HYCC1: variants seen among roughly 807,000 people sequenced by gnomAD.
HYCC1 encodes the protein hyccin PI4KA lipid kinase complex subunit 1, also known as hyccin.
chr7:22,951,962 T>C, the HYCC1 span, among the ~76,000 whole-genome samples: 1 of 152,056 alleles, frequency 6.6e-6, no homozygotes, highest in African/African-American at 2.4e-5. Context: ...TTTACTATCA[T>C]GTTGTTATAC....
chr7:22,897,533 G>A, the HYCC1 span, among the ~76,000 whole-genome samples: 25 of 152,284 alleles, frequency 1.6e-4, no homozygotes, highest in Admixed American at 9.8e-4. Flanking sequence ...ACAATTGCAC[G>A]GCACTGTTGT....
At chr7:22,983,875 T>C in the HYCC1 span, 7 of 924,466 alleles carry the variant, frequency 7.6e-6, no homozygotes, top group Admixed American at 8.7e-5. Flanking sequence ...TTTATATCTA[T>C]TTCACAATAA....
the HYCC1 span, among the ~76,000 whole-genome samples, chr7:23,013,517 G>C: frequency 6.6e-6 from 1 of 152,200 alleles, no homozygotes; most frequent in Non-Finnish European, 1.5e-5. Flanking sequence ...GGGGACGGGG[G>C]GCTCCCGCCC....
At chr7:22,930,145 G>C in the HYCC1 span, among the ~76,000 whole-genome samples, 8 of 130,242 alleles carry the variant, frequency 6.1e-5, no homozygotes, top group Non-Finnish European at 1.1e-4. Flanking sequence ...TGAACAAAGA[G>C]AACACATGGA....
the HYCC1 span, chr7:22,976,633 G>T: frequency 2.0e-6 from 2 of 1,005,066 alleles, no homozygotes; most frequent in Non-Finnish European, 3.2e-6. Context: ...TAAGTCTACT[G>T]AAATAATTTT....
the HYCC1 span, among the ~76,000 whole-genome samples, chr7:22,980,355 T>C: frequency 6.6e-6 from 1 of 152,060 alleles, no homozygotes; most frequent in Non-Finnish European, 1.5e-5. Flanking sequence ...ACCTCAAGTA[T>C]ATTTATATGT....
chr7:22,903,357 C>A, the HYCC1 span, among the ~76,000 whole-genome samples: 1 of 151,882 alleles, frequency 6.6e-6, no homozygotes, highest in African/African-American at 2.4e-5. Context: ...AAAAGAGACT[C>A]CAAATAACCA....
At chr7:22,932,118 A>G in the HYCC1 span, among the ~76,000 whole-genome samples, 3 of 152,286 alleles carry the variant, frequency 2.0e-5, no homozygotes, top group South Asian at 6.2e-4. Context: ...AATACAATCA[A>G]CCATCTTATC....
chr7:22,998,679 C>T, the HYCC1 span, among the ~76,000 whole-genome samples: 1 of 152,098 alleles, frequency 6.6e-6, no homozygotes, highest in Non-Finnish European at 1.5e-5. Context: ...CAGCAACGCC[C>T]TGAGTCTGGG....
chr7:22,902,921 C>T, the HYCC1 span, among the ~76,000 whole-genome samples: 1 of 152,030 alleles, frequency 6.6e-6, no homozygotes, highest in African/African-American at 2.4e-5. Context: ...AATTAAACTG[C>T]AGCAGCCAAG....
At chr7:22,945,889 A>G in the HYCC1 span, 2 of 1,613,848 alleles carry the variant, frequency 1.2e-6, no homozygotes, top group Middle Eastern at 3.3e-4. Context: ...GTCTCTTCAA[A>G]GAGAGAAGCT....
chr7:22,960,999 C>T, the HYCC1 span, among the ~76,000 whole-genome samples: 1 of 152,136 alleles, frequency 6.6e-6, no homozygotes, highest in African/African-American at 2.4e-5. Context: ...TGCGGAGAGC[C>T]GAGATCGTGC....
chr7:22,913,747 C>T, the HYCC1 span, among the ~76,000 whole-genome samples: 11 of 152,178 alleles, frequency 7.2e-5, no homozygotes, highest in African/African-American at 2.2e-4. Flanking sequence ...CAGACTCAGC[C>T]CACCTACACC....
At chr7:22,989,322 AC>A in the HYCC1 span, among the ~76,000 whole-genome samples, 20 of 132,706 alleles carry the variant, frequency 1.5e-4, no homozygotes, top group South Asian at 2.0e-3. Flanking sequence ...ACACACACAC[AC>A]AAGATTTAAT....
chr7:22,964,751 T>C, the HYCC1 span, among the ~76,000 whole-genome samples: 1 of 152,040 alleles, frequency 6.6e-6, no homozygotes, highest in Non-Finnish European at 1.5e-5. Context: ...ATACACAGAG[T>C]AAATGAACCA....
the HYCC1 span, among the ~76,000 whole-genome samples, chr7:22,980,275 T>TTG: frequency 5.8e-5 from 3 of 51,720 alleles, no homozygotes. Context: ...TTTTTTAATG[T>TTG]TTTTTTTTTT....
the HYCC1 span, chr7:22,978,506 A>T: frequency 7.4e-7 from 1 of 1,356,490 alleles, no homozygotes; most frequent in Non-Finnish European, 1.0e-6. Flanking sequence ...TGGAACTACT[A>T]TATGAAGTAT....
the HYCC1 span, among the ~76,000 whole-genome samples, chr7:22,967,897 C>T: frequency 8.8e-3 from 1,345 of 152,094 alleles, 27 homozygotes; most frequent in African/African-American, 0.031. Flanking sequence ...TTTTAGGTAC[C>T]GTGGTATAGT....
chr7:23,000,340 A>G, the HYCC1 span, among the ~76,000 whole-genome samples: 13 of 152,266 alleles, frequency 8.5e-5, no homozygotes, highest in South Asian at 2.1e-3. Flanking sequence ...CAAGAAAAAG[A>G]TATCAACCAA....
Sources: gnomAD v4.1 joint callset for allele counts (sites outside exome capture counted in the v4.1 genomes callset) on GRCh38, gnomAD v4.1.1 for gene constraint, MANE v1.5 for transcripts, NCBI Gene and HGNC (gene_info 2026-07-23, HGNC 2026-07-21) for gene names.